The following XYLB variants were observed in gnomAD, a reference collection of about 807,000 sequenced individuals.
The protein encoded by XYLB is xylulose kinase.
In XYLB, 62 loss-of-function variants were observed where a neutral mutation model predicts 78.7. The ratio of observed to expected loss-of-function variants is 0.79; its 90% confidence interval spans 0.64 to 0.97. XYLB has a LOEUF of 0.97. XYLB is among the 50% of genes least tolerant of loss of function. The pLI, the probability that XYLB is intolerant of heterozygous loss-of-function variation, is 0.00. For synonymous variants in XYLB, 245 were observed against 247.4 expected, an observed-to-expected ratio of 0.99 and a Z score of 0.09; for missense variants, 687 against 676.8, an observed-to-expected ratio of 1.02 and a Z score of -0.17.
chr3:38,416,647 A>G (rs1327325358), downstream of XYLB, among the ~76,000 whole-genome samples: 2 of 152,332 alleles, frequency 1.3e-5, no homozygotes, highest in South Asian at 2.1e-4. Context: ...AATAGACCAG[A>G]CAAGTAGGAC....
intron 2 of XYLB, chr3:38,355,795 C>T (rs2125558705): frequency 1.4e-6 from 1 of 703,620 alleles, no homozygotes; most frequent in Non-Finnish European, 2.6e-6. Context: ...AACCTGGTTC[C>T]TGAATGACTG....
At position 38,396,923 on chromosome 3, in the gene XYLB, G is replaced by T. The variant is rs374488002; in HGVS notation, c.1351-149G>T. On this transcript the variant is annotated intron_variant, in intron 16 of 18. Coordinates refer to ENST00000207870, the MANE Select transcript of XYLB (RefSeq NM_005108.4). The stretch of plus-strand genomic sequence containing the variant: ...GACTCTATTATCACCAGGGTAGCAT[G>T]ACCAAGCATACTCCTCTTAAGGCAG... The T allele has an allele frequency of 1.9e-3, 1,459 of 752,932 alleles. 34 individuals carry two copies. In the South Asian group the frequency reaches 0.024, roughly 12 times the overall value. The allele number at this position is 752,932 out of a possible 1,614,324, so 46.6% of individuals were successfully genotyped here. A position where few individuals can be genotyped will look rare whatever the true frequency, so the allele number is the denominator to read the frequency against.
intron 2 of XYLB, among the ~76,000 whole-genome samples, chr3:38,349,362 G>A (rs1705233882): frequency 6.6e-6 from 1 of 152,204 alleles, no homozygotes; most frequent in African/African-American, 2.4e-5. Flanking sequence ...ATAAGGGGTA[G>A]GGGTATGGGT....
chr3:38,439,166 C>G, the XYLB span, among the ~76,000 whole-genome samples: 2 of 152,176 alleles, frequency 1.3e-5, no homozygotes, highest in African/African-American at 4.8e-5. Context: ...ACCATTCTAG[C>G]TACTTCCTGC....
rs913385918 is a variant in XYLB at position 38,368,319 on chromosome 3, G to T, written c.646+62G>T. 12 of 1,506,386 alleles carry T rather than the reference G, an allele frequency of 8.0e-6. No individual in the cohort carries two copies. In the African/African-American group the frequency reaches 1.5e-4, roughly 19 times the overall value. 93.3% of individuals were successfully genotyped at this position (1,506,386 alleles called of 1,614,324 possible). On this transcript the variant is annotated intron_variant, in intron 8 of 18. Coordinates refer to ENST00000207870, the MANE Select transcript of XYLB (RefSeq NM_005108.4). ...GTGCATGTGGCATGTGGGTGTGCAA[G>T]CAGTGGGAGCCCCACCTACCCCGAG...
At chr3:38,449,924 G>A in the XYLB span, among the ~76,000 whole-genome samples, 2 of 152,134 alleles carry the variant, frequency 1.3e-5, no homozygotes, top group Non-Finnish European at 2.9e-5. Context: ...TTGACCTCAA[G>A]TAACCACCAT....
intron 2 of XYLB, among the ~76,000 whole-genome samples, chr3:38,353,576 G>T (rs6781534): frequency 0.032 from 4,836 of 152,124 alleles, 114 homozygotes; most frequent in African/African-American, 0.062. Context: ...CTCCTAAAGT[G>T]CTGAGATTAC....
chr3:38,430,448 G>A, the XYLB span, among the ~76,000 whole-genome samples: 3 of 152,114 alleles, frequency 2.0e-5, no homozygotes, highest in South Asian at 2.1e-4. Flanking sequence ...GTAGATTCTC[G>A]ATATTAGCCC....
At chr3:38,419,613 C>T (rs1313934255), downstream of XYLB, among the ~76,000 whole-genome samples, 5 of 63,522 alleles carry the variant, frequency 7.9e-5, no homozygotes, top group South Asian at 1.1e-3. Context: ...TAATAGCCAT[C>T]GTTATGGATG....
intron 2 of XYLB, among the ~76,000 whole-genome samples, chr3:38,352,108 A>ATTTTTTTTTTTTT (rs1705396155): frequency 6.6e-6 from 1 of 152,210 alleles, no homozygotes; most frequent in Non-Finnish European, 1.5e-5. Context: ...CAAAGTGGTG[A>ATTTTTTTTTTTTT]TTTTAAGAAA....
chr3:38,411,148 A>T (rs1298621433), intron 18 of XYLB, among the ~76,000 whole-genome samples: 1 of 152,244 alleles, frequency 6.6e-6, no homozygotes, highest in African/African-American at 2.4e-5. Flanking sequence ...CTACAATGAT[A>T]GACTAGATTA....
chr3:38,405,399 G>A (rs1031782411), intron 18 of XYLB, among the ~76,000 whole-genome samples: 1 of 150,066 alleles, frequency 6.7e-6, no homozygotes, highest in Non-Finnish European at 1.5e-5. Context: ...AAAAAAGCTG[G>A]CAGCCAAGAT....
At chr3:38,428,740 A>C in the XYLB span, among the ~76,000 whole-genome samples, 1 of 152,234 alleles carries the variant, frequency 6.6e-6, no homozygotes, top group Non-Finnish European at 1.5e-5. Context: ...TTTAGAGTCC[A>C]TTTACATAAT....
At chr3:38,400,021 A>G (rs575015862) in intron 17 of XYLB, among the ~76,000 whole-genome samples, 2 of 152,290 alleles carry the variant, frequency 1.3e-5, no homozygotes, top group South Asian at 4.2e-4. Flanking sequence ...GCATTTGGTT[A>G]GGAAAACTGG....
At chr3:38,416,001 C>G (rs188440338), downstream of XYLB, among the ~76,000 whole-genome samples, 1 of 152,056 alleles carries the variant, frequency 6.6e-6, no homozygotes, top group East Asian at 1.9e-4. Context: ...CATCAGATCT[C>G]GTGAGAACTC....
At chr3:38,365,366 A>G in intron 5 of XYLB, 81 bp downstream of exon 5, 1 of 1,495,716 alleles carries the variant, frequency 6.7e-7, no homozygotes, top group Non-Finnish European at 9.3e-7. Flanking sequence ...TGCTCATCTC[A>G]GTGTTGCAGC....
chr3:38,362,915 T>G (rs1484990476), intron 3 of XYLB, 22 bp from the exon 4 acceptor site: 1 of 1,539,834 alleles, frequency 6.5e-7, no homozygotes, highest in Admixed American at 2.0e-5. Context: ...ACAGTCATGG[T>G]GGGTTCTGTT....
downstream of XYLB, among the ~76,000 whole-genome samples, chr3:38,419,603 T>TAAAA (rs1199402124): frequency 1.5e-4 from 12 of 80,866 alleles, no homozygotes; most frequent in African/African-American, 2.7e-4. Flanking sequence ...TATATATATA[T>TAAAA]AATAGCCATC....
chr3:38,366,438 T>C (rs1322681669), intron 6 of XYLB, among the ~76,000 whole-genome samples: 1 of 152,218 alleles, frequency 6.6e-6, no homozygotes, highest in Non-Finnish European at 1.5e-5. Flanking sequence ...ATCCTGTGGG[T>C]GCAGAGCCAT....
Sources: allele counts gnomAD v4.1 joint callset (sites outside exome capture counted in the v4.1 genomes callset), GRCh38; gene constraint gnomAD v4.1.1; transcripts MANE v1.5; gene names NCBI Gene and HGNC (gene_info 2026-07-23, HGNC 2026-07-21).